CMSS1: variants seen among roughly 807,000 people sequenced by gnomAD.
The protein encoded by CMSS1 is cms1 ribosomal small subunit homolog, also known as protein CMSS1.
Under a neutral mutation model 43.5 loss-of-function variants are expected in CMSS1, and 33 were observed. That is an observed-to-expected ratio of 0.76 (90% confidence interval 0.57 to 1.01). CMSS1 has a LOEUF of 1.01. CMSS1 is among the 50% of genes least tolerant of loss of function. The pLI is 0.00. For synonymous variants in CMSS1, 115 were observed against 117.2 expected, an observed-to-expected ratio of 0.98 and a Z score of 0.12; for missense variants, 313 against 326.4, an observed-to-expected ratio of 0.96 and a Z score of 0.32.
chr3:99,876,691 A>T (rs967685516), intron 1 of CMSS1, among the ~76,000 whole-genome samples: 4 of 152,130 alleles, frequency 2.6e-5, no homozygotes, highest in African/African-American at 7.2e-5. Context: ...GGGTCCTCAG[A>T]GGATGGTGTT....
intron 1 of CMSS1, among the ~76,000 whole-genome samples, chr3:99,826,596 GC>G (rs1207338985): frequency 7.2e-5 from 11 of 152,176 alleles, no homozygotes; most frequent in African/African-American, 2.7e-4. Flanking sequence ...TGCAAACGCT[GC>G]CCCAAACTCA....
intron 1 of CMSS1, among the ~76,000 whole-genome samples, chr3:99,899,077 A>G (rs1290459846): frequency 6.6e-6 from 1 of 152,258 alleles, no homozygotes; most frequent in Admixed American, 6.5e-5. Context: ...AGACAGCTAC[A>G]GTGAATGTGC....
chr3:100,167,821 C>A lies in CMSS1; in HGVS notation c.499C>A (p.Arg167=). 1.2e-6 allele frequency: 2 copies of A among 1,611,932 alleles called. No individual in the cohort carries two copies. Among genetic ancestry groups the A allele is most frequent in the Non-Finnish European group, 1.7e-6 (2 of 1,179,048 alleles). The change falls in exon 6 of 10, where the codon CGA becomes AGA. Residue 167 remains arginine (R), a synonymous_variant. Coordinates refer to ENST00000421999, the MANE Select transcript of CMSS1 (RefSeq NM_032359.4). ...GCTGATCATCTGCAGCTCGGCCGTC[C>A]GAGCCCTGGAGCTCATTAGGTTGGA... ...LMLIICSSAV[R]ALELIRSMTA... is the part of the protein sequence containing the mutation.
rs2067065588 is a variant in CMSS1 at position 100,166,359 on chromosome 3, ATT to A, written c.382_383del (p.Leu128AspfsTer14). ...GACTCCTGTTTCCTCAAGGCCAATGATTTGACTCACAGTCTTTCCTCATACCT... is the reference window on the plus strand; with the variant it reads ...GACTCCTGTTTCCTCAAGGCCAATGATGACTCACAGTCTTTCCTCATACCT... On this transcript the variant is annotated frameshift_variant, in exon 5 of 10. Coordinates refer to ENST00000421999, the MANE Select transcript of CMSS1 (RefSeq NM_032359.4). LOFTEE classifies it high-confidence loss of function. 1 of 1,600,228 alleles carries A rather than the reference ATT, an allele frequency of 6.2e-7. No individual in the cohort carries two copies. The highest frequency in any genetic ancestry group is 1.7e-5 in the Admixed American group (1 of 59,938).
rs1381408994 is a variant in CMSS1, at chr3:100,056,017, G to C, written c.65-90956G>C. On this transcript the variant is annotated intron_variant, in intron 1 of 9. Coordinates refer to ENST00000421999, the MANE Select transcript of CMSS1 (RefSeq NM_032359.4). ...AGAGAAGGATAGCCTAGTTGATCTG[G>C]TTGGGGAAATAAGACACAGGTAAAA... Among the ~76,000 whole-genome samples the C allele has an allele frequency of 8.5e-5, 13 of 152,270 alleles. No individual in the cohort carries two copies. The East Asian group carries it at 2.3e-3, about 27-fold the overall frequency.
At chr3:99,908,501 A>G (rs1706692190) in intron 1 of CMSS1, among the ~76,000 whole-genome samples, 4 of 152,204 alleles carry the variant, frequency 2.6e-5, no homozygotes, top group Admixed American at 2.0e-4. Flanking sequence ...TCCCCAGGCA[A>G]TAATGATGAT....
chr3:100,135,351 G>A (rs1393588357), intron 1 of CMSS1, among the ~76,000 whole-genome samples: 1 of 152,048 alleles, frequency 6.6e-6, no homozygotes, highest in East Asian at 1.9e-4. Context: ...AGGATTGGGA[G>A]CTTTAACATT....
At chr3:100,135,639 C>T (rs771430466) in intron 1 of CMSS1, among the ~76,000 whole-genome samples, 1 of 144,914 alleles carries the variant, frequency 6.9e-6, no homozygotes, top group Non-Finnish European at 1.5e-5. Flanking sequence ...TACCACTGCA[C>T]CTCACTTCCT....
intron 1 of CMSS1, among the ~76,000 whole-genome samples, chr3:99,927,411 T>C (rs1176526082): frequency 1.3e-5 from 2 of 151,766 alleles, no homozygotes; most frequent in Non-Finnish European, 2.9e-5. Flanking sequence ...CTTTTGTTGT[T>C]CAGGCTGGAG....
chr3:99,972,565 C>G (rs996912387), intron 1 of CMSS1, among the ~76,000 whole-genome samples: 20 of 152,140 alleles, frequency 1.3e-4, no homozygotes, highest in Non-Finnish European at 2.1e-4. Flanking sequence ...ACAGCTGCTC[C>G]CAGTCATTCT....
At chr3:99,843,560 T>A (rs1306568872) in intron 1 of CMSS1, among the ~76,000 whole-genome samples, 1 of 152,206 alleles carries the variant, frequency 6.6e-6, no homozygotes, top group Non-Finnish European at 1.5e-5. Context: ...TAGAACCACA[T>A]AAACCCACTG....
intron 1 of CMSS1, among the ~76,000 whole-genome samples, chr3:100,132,827 A>G (rs940503155): frequency 1.5e-4 from 22 of 150,882 alleles, no homozygotes; most frequent in Non-Finnish European, 3.1e-4. Flanking sequence ...CCAAAAAAAA[A>G]AAAAAAAAAA....
intron 1 of CMSS1, among the ~76,000 whole-genome samples, chr3:99,897,358 A>G (rs1399303201): frequency 3.3e-5 from 5 of 152,046 alleles, no homozygotes; most frequent in African/African-American, 9.6e-5. Flanking sequence ...GACAAGAGCT[A>G]GACTTTGTCT....
At chr3:99,880,215 C>T (rs1705676576) in intron 1 of CMSS1, among the ~76,000 whole-genome samples, 1 of 152,110 alleles carries the variant, frequency 6.6e-6, no homozygotes, top group Non-Finnish European at 1.5e-5. Context: ...TTCTAATCAA[C>T]CTCATTTCTT....
chr3:100,162,490 G>A lies in CMSS1; in HGVS notation c.355+58G>A, dbSNP rs1405513186. On this transcript the variant is annotated intron_variant, in intron 4 of 9. Coordinates refer to ENST00000421999, the MANE Select transcript of CMSS1 (RefSeq NM_032359.4). ...GGAGCAAAACATAAGTATCTGTTAT[G>A]GTTAGGTGTCTCAGGCAGTCAATTA... 6 of 1,558,558 alleles carry A rather than the reference G, an allele frequency of 3.8e-6. No individual in the cohort carries two copies. In the Admixed American group the frequency reaches 9.1e-5, roughly 24 times the overall value.
At chr3:99,882,499 A>C (rs1327373343) in intron 1 of CMSS1, among the ~76,000 whole-genome samples, 1 of 152,246 alleles carries the variant, frequency 6.6e-6, no homozygotes, top group Admixed American at 6.5e-5. Context: ...AGTTTTATTA[A>C]GAAGAATGAT....
intron 1 of CMSS1, among the ~76,000 whole-genome samples, chr3:100,016,237 GGCTGGA>G (rs1710334791): frequency 6.6e-6 from 1 of 152,176 alleles, no homozygotes; most frequent in Admixed American, 6.5e-5. Flanking sequence ...TTGTTGCCCA[GGCTGGA>G]GTGCAATGGT....
intron 1 of CMSS1, among the ~76,000 whole-genome samples, chr3:99,998,448 G>A (rs1474364573): frequency 6.6e-6 from 1 of 152,158 alleles, no homozygotes; most frequent in Non-Finnish European, 1.5e-5. Flanking sequence ...CTCAAAGAAT[G>A]TACATTTTTG....
intron 1 of CMSS1, among the ~76,000 whole-genome samples, chr3:99,980,256 A>C (rs1200790420): frequency 6.6e-6 from 1 of 152,136 alleles, no homozygotes; most frequent in East Asian, 1.9e-4. Context: ...TGAGACCTGG[A>C]TCTACTAATC....
Sources: gnomAD v4.1 joint callset for allele counts (sites outside exome capture counted in the v4.1 genomes callset) on GRCh38, gnomAD v4.1.1 for gene constraint, MANE v1.5 for transcripts, NCBI Gene and HGNC (gene_info 2026-07-23, HGNC 2026-07-21) for gene names.